NMS: variants seen among roughly 807,000 people sequenced by gnomAD.
NMS encodes neuromedin-S.
In NMS, 30 loss-of-function variants were observed where a neutral mutation model predicts 32.2. That is an observed-to-expected ratio of 0.93 (90% confidence interval 0.70 to 1.26). The LOEUF (loss-of-function observed/expected upper bound fraction) is 1.26. Among genes scored for constraint, NMS ranks in the 50% most tolerant of loss-of-function variants. The probability of loss-of-function intolerance (pLI) is 0.00; values close to 1 mark genes in which losing one functional copy is unlikely to be tolerated. For synonymous variants in NMS, 76 were observed against 58.5 expected, an observed-to-expected ratio of 1.30 and a Z score of -1.37; for missense variants, 190 against 186.3, an observed-to-expected ratio of 1.02 and a Z score of -0.12.
intron 3 of NMS, among the ~76,000 whole-genome samples, chr2:100,476,358 T>C (rs942142053): frequency 6.6e-6 from 1 of 152,214 alleles, no homozygotes. Flanking sequence ...TGTGTCTGTG[T>C]GTGTGTGCTC....
chr2:100,477,461 T>C (rs760523640), intron 5 of NMS, 47 bp downstream of exon 5: 1 of 1,392,856 alleles, frequency 7.2e-7, no homozygotes, highest in Admixed American at 1.7e-5. Context: ...GGCTCTCCTC[T>C]GCATGTCGTC....
intron 8 of NMS, among the ~76,000 whole-genome samples, 168 bp downstream of exon 8, chr2:100,481,335 T>C (rs1245708790): frequency 1.3e-5 from 2 of 152,124 alleles, no homozygotes; most frequent in East Asian, 3.9e-4. Flanking sequence ...AATCTCCTCC[T>C]ACAATCTTGC....
chr2:100,472,369 G>A (rs551387316), intron 1 of NMS, among the ~76,000 whole-genome samples: 2 of 152,182 alleles, frequency 1.3e-5, no homozygotes, highest in Non-Finnish European at 2.9e-5. Context: ...AGAGAGACGG[G>A]TATCCATGTG....
At chr2:100,473,613 C>A in intron 3 of NMS, 74 bp downstream of exon 3, 1 of 468,298 alleles carries the variant, frequency 2.1e-6, no homozygotes, top group Non-Finnish European at 3.4e-6. Context: ...TTGCTACCTA[C>A]AGGAGAATGC....
At position 100,473,435 on chromosome 2, in the gene NMS, T is replaced by C. The variant is rs1192725371; in HGVS notation, c.133-54T>C. ...GTATTTGATTACCCATTAATCAATC[T>C]CTCTCTTCATCCCCCTCATCCCTTT... is the stretch of plus-strand genomic sequence containing the variant. On this transcript the variant is annotated intron_variant, in intron 2 of 9. Coordinates refer to ENST00000376865, the MANE Select transcript of NMS (RefSeq NM_001011717.1). The C allele has an allele frequency of 4.9e-6, 5 of 1,024,438 alleles. No homozygotes were observed. In the African/African-American group the frequency reaches 6.5e-5, roughly 13 times the overall value. The allele number at this position is 1,024,438 out of a possible 1,614,324, so 63.5% of individuals were successfully genotyped here.
intron 3 of NMS, 89 bp downstream of exon 3, chr2:100,473,628 T>G: frequency 1.4e-5 from 5 of 358,154 alleles, no homozygotes; most frequent in African/African-American, 2.2e-5. Flanking sequence ...GAATGCTGTA[T>G]GTATGTGCAT....
intron 9 of NMS, among the ~76,000 whole-genome samples, chr2:100,482,798 A>G (rs1194484750): frequency 6.6e-6 from 1 of 152,162 alleles, no homozygotes; most frequent in Admixed American, 6.5e-5. Context: ...CAGAGTTTTA[A>G]TCTGGAACGA....
At chr2:100,482,249 A>G in intron 8 of NMS, 28 bp from the exon 9 acceptor site, 2 of 1,609,688 alleles carry the variant, frequency 1.2e-6, no homozygotes, top group East Asian at 2.2e-5. Context: ...GTGTCTCAGT[A>G]TTCATAAGTT....
At chr2:100,478,921 G>A (rs1267241655) in intron 5 of NMS, among the ~76,000 whole-genome samples, 1 of 152,216 alleles carries the variant, frequency 6.6e-6, no homozygotes, top group African/African-American at 2.4e-5. Context: ...ACCTGGGTAC[G>A]CACGGCAGTC....
At chr2:100,475,710 A>T (rs1283555710) in intron 3 of NMS, among the ~76,000 whole-genome samples, 1 of 152,176 alleles carries the variant, frequency 6.6e-6, no homozygotes, top group East Asian at 1.9e-4. Context: ...TCTAAAAAGA[A>T]AAAAGTAGGC....
At chr2:100,479,802 G>C in intron 6 of NMS, among the ~76,000 whole-genome samples, 1 of 152,054 alleles carries the variant, frequency 6.6e-6, no homozygotes, top group African/African-American at 2.4e-5. Flanking sequence ...ATTGCCCTAG[G>C]TGCCCGTTGT....
intron 2 of NMS, among the ~76,000 whole-genome samples, chr2:100,473,274 A>G (rs1262447862): frequency 6.6e-6 from 1 of 152,174 alleles, no homozygotes; most frequent in East Asian, 1.9e-4. Context: ...TACCTTAAAT[A>G]GTTACATTTT....
chr2:100,474,261 G>C (rs1028384160), intron 3 of NMS, among the ~76,000 whole-genome samples: 1 of 152,120 alleles, frequency 6.6e-6, no homozygotes, highest in Non-Finnish European at 1.5e-5. Context: ...GGTACAAAAG[G>C]GTGGTAGGAT....
Position 100,479,371 on chromosome 2 carries a change from C to T in NMS, c.280C>T (p.Leu94=), listed in dbSNP as rs1210927731. 4 of 1,610,826 alleles carry T rather than the reference C, an allele frequency of 2.5e-6. No homozygotes were observed. The highest frequency in any genetic ancestry group is 1.7e-5 in the Admixed American group (1 of 59,456). The change falls in exon 6 of 10, where the codon CTA becomes TTA. Residue 94 remains leucine, a synonymous_variant. Transcript: ENST00000376865. ...GTTGCAGTTTCCTCCAGTGCATCCT[C>T]TAATGCACCTGGCTGCCAAGCTCGC... ...VKTGFPPVHP[L]MHLAAKLANR...
At chr2:100,476,575 A>G (rs1412743816) in intron 3 of NMS, among the ~76,000 whole-genome samples, 4 of 152,212 alleles carry the variant, frequency 2.6e-5, no homozygotes, top group African/African-American at 9.7e-5. Context: ...TGAGATGTGA[A>G]TGATCAGTAC....
chr2:100,471,909 T>C (rs1677012576), intron 1 of NMS, among the ~76,000 whole-genome samples: 1 of 152,240 alleles, frequency 6.6e-6, no homozygotes, highest in Non-Finnish European at 1.5e-5. Context: ...CTAATTTTCC[T>C]GTTTCCAGAG....
intron 1 of NMS, 115 bp downstream of exon 1, chr2:100,470,679 CCTT>C (rs1251369797): frequency 7.3e-6 from 6 of 826,840 alleles, no homozygotes; most frequent in African/African-American, 3.4e-5. Context: ...CCCCGCCAGA[CCTT>C]CTTGATTTCT....
chr2:100,481,274 G>A (rs958260271), intron 8 of NMS, 107 bp downstream of exon 8: 12 of 986,508 alleles, frequency 1.2e-5, no homozygotes, highest in Middle Eastern at 2.2e-4. Context: ...GTAAACTGGT[G>A]GATAATTGTG....
chr2:100,476,738 A>T (rs1042742974), intron 3 of NMS, among the ~76,000 whole-genome samples: 1 of 152,214 alleles, frequency 6.6e-6, no homozygotes, highest in African/African-American at 2.4e-5. Flanking sequence ...GCCATCATCT[A>T]CGCAAGCCAG....
Sources: gnomAD v4.1 joint callset for allele counts (sites outside exome capture counted in the v4.1 genomes callset) on GRCh38, gnomAD v4.1.1 for gene constraint, MANE v1.5 for transcripts, NCBI Gene and HGNC (gene_info 2026-07-23, HGNC 2026-07-21) for gene names.